The following ITGA9 variants were observed in gnomAD, a reference collection of about 807,000 sequenced individuals.
The protein encoded by ITGA9 is integrin subunit alpha 9.
Under a neutral mutation model 127.8 loss-of-function variants are expected in ITGA9, and 56 were observed. The observed-to-expected ratio is 0.44, with a 90% CI of 0.35 to 0.55. The LOEUF (loss-of-function observed/expected upper bound fraction) is 0.55. Ranked by LOEUF, ITGA9 falls within the 20% of genes least tolerant of loss-of-function variation. The pLI is 0.00. For missense variants in ITGA9, 1,196 were observed against 1,347.1 expected (o/e 0.89, Z 1.76); for synonymous variants, 508 against 514.5 (o/e 0.99, Z 0.17).
At chr3:37,689,749 C>T (rs1700814000) in intron 18 of ITGA9, among the ~76,000 whole-genome samples, 1 of 152,176 alleles carries the variant, frequency 6.6e-6, no homozygotes, top group Admixed American at 6.5e-5. Flanking sequence ...GCCCTGGAGT[C>T]AAGGTAAAGC....
chr3:37,500,584 A>G (rs1698777898), intron 5 of ITGA9, among the ~76,000 whole-genome samples: 2 of 151,384 alleles, frequency 1.3e-5, no homozygotes, highest in Non-Finnish European at 2.9e-5. Flanking sequence ...TCCTCTCTCT[A>G]TTTTTTTTCT....
chr3:37,517,749 G>A (rs995377041), intron 10 of ITGA9, 140 bp downstream of exon 10: 1 of 713,628 alleles, frequency 1.4e-6, no homozygotes, highest in Non-Finnish European at 2.5e-6. Context: ...GCCCATCAAT[G>A]TGCTGTGGGG....
rs181262350 is a variant in ITGA9 at position 37,525,298 on chromosome 3, A to T, written c.1328-728A>T. ...TTTACTGACTTAAATATCTGATTTCATATATTTAATAAATATTTACTATAA... is the reference window on the plus strand; with the variant it reads ...TTTACTGACTTAAATATCTGATTTCTTATATTTAATAAATATTTACTATAA... On this transcript the variant is annotated intron_variant, in intron 12 of 27. Coordinates refer to ENST00000264741, the MANE Select transcript of ITGA9 (RefSeq NM_002207.3). Among the ~76,000 whole-genome samples, 114 of 152,338 alleles carry T rather than the reference A, an allele frequency of 7.5e-4. 1 individual carries two copies. Among genetic ancestry groups the T allele is most frequent in the African/African-American group, 2.6e-3 (110 of 41,570 alleles).
intron 16 of ITGA9, among the ~76,000 whole-genome samples, chr3:37,638,953 G>A (rs923197433): frequency 7.2e-5 from 11 of 152,352 alleles, no homozygotes; most frequent in African/African-American, 2.6e-4. Flanking sequence ...ATAGTCCTGG[G>A]AGAAGACGGG....
chr3:37,776,351 C>A (rs940385741), intron 23 of ITGA9, among the ~76,000 whole-genome samples: 4 of 151,950 alleles, frequency 2.6e-5, no homozygotes, highest in Non-Finnish European at 4.4e-5. Flanking sequence ...TAAAAAAAAA[C>A]CAACAGCAAA....
chr3:37,476,204 C>T (rs1040419225), intron 3 of ITGA9, among the ~76,000 whole-genome samples: 2 of 152,152 alleles, frequency 1.3e-5, no homozygotes, highest in Non-Finnish European at 2.9e-5. Context: ...GGTATACACC[C>T]GGAAGTGGGA....
chr3:37,692,840 T>G (rs559941072), intron 18 of ITGA9, among the ~76,000 whole-genome samples: 3 of 152,320 alleles, frequency 2.0e-5, no homozygotes, highest in African/African-American at 7.2e-5. Context: ...GGGAGGCATC[T>G]GGCCCAAAGG....
In ITGA9 at chr3:37,523,846, G is replaced by A. The variant is rs371760950; in HGVS notation, c.1327+235G>A. ...CTTAGCACCAGGAGGGTGGATTTGT[G>A]TAGTGGTTTCTGGGGCGGTAATTCT... On this transcript the variant is annotated intron_variant, in intron 12 of 27. Transcript: ENST00000264741. 7.9e-5 allele frequency among the ~76,000 whole-genome samples: 12 copies of A among 152,292 alleles called. No individual in the cohort carries two copies. The East Asian group carries it at 1.7e-3, about 22-fold the overall frequency.
At chr3:37,753,425 C>A (rs990490940) in intron 23 of ITGA9, among the ~76,000 whole-genome samples, 1 of 152,194 alleles carries the variant, frequency 6.6e-6, no homozygotes, top group Non-Finnish European at 1.5e-5. Context: ...CACAAAGGAA[C>A]CTCTTCAAGT....
chr3:37,779,754 G>A (rs1234610184), intron 24 of ITGA9, 148 bp from the exon 25 acceptor site: 8 of 771,088 alleles, frequency 1.0e-5, no homozygotes, highest in South Asian at 6.3e-5. Context: ...CTCTGGTGGC[G>A]AGAAAGAACG....
chr3:37,696,085 C>G (rs776140528), intron 18 of ITGA9, among the ~76,000 whole-genome samples: 7 of 152,196 alleles, frequency 4.6e-5, no homozygotes, highest in Non-Finnish European at 7.3e-5. Flanking sequence ...TTTCCTAAAG[C>G]TCCACTTGAC....
chr3:37,559,441 T>C (rs1351093992), intron 15 of ITGA9, among the ~76,000 whole-genome samples: 1 of 152,224 alleles, frequency 6.6e-6, no homozygotes, highest in Non-Finnish European at 1.5e-5. Context: ...AGGCATTGCT[T>C]TTAAAGTGCT....
chr3:37,661,416 G>A (rs923124623), intron 17 of ITGA9, among the ~76,000 whole-genome samples: 2 of 152,164 alleles, frequency 1.3e-5, no homozygotes, highest in Admixed American at 6.5e-5. Context: ...GTACTTTTGG[G>A]CCCATAGCTG....
At chr3:37,604,579 A>AG (rs1699950347) in intron 15 of ITGA9, among the ~76,000 whole-genome samples, 1 of 152,214 alleles carries the variant, frequency 6.6e-6, no homozygotes, top group Non-Finnish European at 1.5e-5. Flanking sequence ...TTCCACACTG[A>AG]GGGCCTTGTG....
intron 15 of ITGA9, among the ~76,000 whole-genome samples, chr3:37,556,937 G>A (rs1317147569): frequency 6.6e-6 from 1 of 152,162 alleles, no homozygotes; most frequent in Non-Finnish European, 1.5e-5. Context: ...AATGGAGGGG[G>A]TGCCCCTTAT....
Position 37,777,407 on chromosome 3 carries a change from G to A in ITGA9, c.2557G>A (p.Gly853Arg), listed in dbSNP as rs758589779. 8.7e-6 allele frequency: 14 copies of A among 1,613,970 alleles called. No homozygotes were observed. Among genetic ancestry groups the A allele is most frequent in the Middle Eastern group, 1.6e-4 (1 of 6,084 alleles). Residue 853 changes from glycine to arginine, a missense_variant, in exon 24 of 28, where the codon GGA becomes AGA. Physicochemically the swap from Gly to Arg is moderately radical, Grantham distance 125. Transcript: ENST00000264741. ...VQEMVVGQEKGNCSFQKNPTP... is the reference protein window; with the variant it reads ...VQEMVVGQEKRNCSFQKNPTP... ...TCATTTGCAGGTGGGCCAAGAGAAG[G>A]GAAACTGCTCTTTCCAGAAAAACCC...
chr3:37,627,749 T>G (rs1379588248), intron 15 of ITGA9, among the ~76,000 whole-genome samples: 1 of 152,158 alleles, frequency 6.6e-6, no homozygotes, highest in Non-Finnish European at 1.5e-5. Context: ...AGCCCAAACA[T>G]TGGTCAGCAA....
At chr3:37,547,372 G>GT (rs1207241797) in intron 15 of ITGA9, among the ~76,000 whole-genome samples, 6 of 152,156 alleles carry the variant, frequency 3.9e-5, no homozygotes, top group Non-Finnish European at 8.8e-5. Context: ...CTGGCGAAGG[G>GT]TGGGACATCA....
intron 18 of ITGA9, 116 bp from the exon 19 acceptor site, chr3:37,732,596 C>A (rs1245778160): frequency 1.3e-6 from 1 of 782,622 alleles, no homozygotes; most frequent in Non-Finnish European, 2.2e-6. Flanking sequence ...GCATCTCGTC[C>A]CACTGGTGCC....
Sources: gnomAD v4.1 joint callset for allele counts (sites outside exome capture counted in the v4.1 genomes callset) on GRCh38, gnomAD v4.1.1 for gene constraint, MANE v1.5 for transcripts, NCBI Gene and HGNC (gene_info 2026-07-23, HGNC 2026-07-21) for gene names.